The following CRACDL variants were observed in gnomAD, a reference collection of about 807,000 sequenced individuals.
CRACDL encodes CRACD-like protein.
Under a neutral mutation model 70.6 loss-of-function variants are expected in CRACDL, and 26 were observed. That is an observed-to-expected ratio of 0.37 (90% confidence interval 0.27 to 0.51). The LOEUF is 0.51. CRACDL is among the 20% of genes least tolerant of loss of function. The pLI, the probability that CRACDL is intolerant of heterozygous loss-of-function variation, is 0.94. For synonymous variants in CRACDL, 618 were observed against 615.2 expected (o/e 1.00, Z -0.07); for missense variants, 1,283 against 1,376.9 (o/e 0.93, Z 1.08).
At position 98,832,435 on chromosome 2, in the gene CRACDL, G is replaced by A. The variant is rs769262571; in HGVS notation, c.453C>T (p.Ala151=). Residue 151 remains alanine, a synonymous_variant, in exon 5 of 10, where the codon GCC becomes GCT. Transcript: ENST00000397899. ...GCCCGTCGTCCTCAGAGCTCATGCC[G>A]GCATCCTCTCCCCGCTTGGCAGGAA... The part of the protein sequence containing the change: ...GGLPAKRGED[A]GMSSEDDGLP... 8 of 1,614,074 alleles carry A rather than the reference G, an allele frequency of 5.0e-6. No individual in the cohort carries two copies. Among genetic ancestry groups the A allele is most frequent in the African/African-American group, 1.3e-5 (1 of 75,056 alleles).
chr2:98,808,264 A>G (rs1704403282), intron 7 of CRACDL, among the ~76,000 whole-genome samples: 2 of 152,210 alleles, frequency 1.3e-5, no homozygotes, highest in African/African-American at 4.8e-5. Context: ...CCGCTGTCCT[A>G]GAGCCCAGTA....
intron 1 of CRACDL, among the ~76,000 whole-genome samples, chr2:98,882,824 A>G (rs1235037658): frequency 6.6e-6 from 1 of 152,210 alleles, no homozygotes; most frequent in African/African-American, 2.4e-5. Context: ...TACTTTCAGG[A>G]CTTTCAGTGA....
At chr2:98,920,884 G>A (rs564903506) in intron 1 of CRACDL, among the ~76,000 whole-genome samples, 4 of 152,176 alleles carry the variant, frequency 2.6e-5, no homozygotes, top group African/African-American at 7.2e-5. Context: ...CAGCAAATGC[G>A]TGTTGACAAA....
intron 7 of CRACDL, among the ~76,000 whole-genome samples, chr2:98,817,222 A>G (rs900772436): frequency 1.2e-4 from 18 of 152,184 alleles, no homozygotes; most frequent in Non-Finnish European, 2.1e-4. Context: ...ATTGGGGGCT[A>G]TTCATCAATG....
chr2:98,902,870 A>G lies in CRACDL; in HGVS notation c.-11+33068T>C, dbSNP rs149077737. On this transcript the variant is annotated intron_variant, in intron 1 of 9. Coordinates refer to ENST00000397899, the MANE Select transcript of CRACDL (RefSeq NM_207362.3). ...AAGGTAGGCAAAGAAGCCCCAGAAA[A>G]CATGCCCCCACATTTACTACCTCTA... Among the ~76,000 whole-genome samples, 73 of 152,134 alleles carry G rather than the reference A, an allele frequency of 4.8e-4. 1 individual carries two copies. The East Asian group carries it at 0.014, about 28-fold the overall frequency.
At position 98,935,989 on chromosome 2, in the gene CRACDL, T is replaced by A. The variant is rs985301433; in HGVS notation, c.-62A>T. ...GGCGAGACGCGCAGAGAAGGGCACC[T>A]TCCGCGGGGTGCGGCGAGCCGGGGC... On this transcript the variant is annotated 5_prime_UTR_variant, in exon 1 of 10. The change creates a new upstream start codon in the 5' untranslated region. Coordinates refer to ENST00000397899, the MANE Select transcript of CRACDL (RefSeq NM_207362.3). 1 of 152,092 alleles carries A rather than the reference T, an allele frequency of 6.6e-6. No homozygotes were observed. The allele number at this position is 152,092 out of a possible 1,614,324, so 9.4% of individuals were successfully genotyped here.
intron 1 of CRACDL, chr2:98,908,250 C>A (rs1189062886): frequency 1.3e-5 from 2 of 152,258 alleles, no homozygotes; most frequent in East Asian, 3.8e-4. Flanking sequence ...AATGTGTGGC[C>A]TAGAGAGAGC....
rs1281745322 is a variant in CRACDL, at chr2:98,823,126, G to A, written c.1147C>T (p.Pro383Ser). The change falls in exon 7 of 10, where the codon CCG becomes TCG. Residue 383 changes from proline to serine, a missense_variant. Pro to Ser is a moderately conservative substitution (Grantham distance 74). Transcript: ENST00000397899. The surrounding 1 kb of genome is among the most constrained non-coding windows in gnomAD (Gnocchi z 4.0). Reference sequence around the variant, plus strand: ...ACCTCCTCCGCCTTGTCCGTGGCCGGGGCACACGGGCCTGCGGGGGGCGCC... The same window carrying A: ...ACCTCCTCCGCCTTGTCCGTGGCCGAGGCACACGGGCCTGCGGGGGGCGCC... ...GEAPPAGPCA[P>S]ATDKAEEVVC... The A allele has an allele frequency of 1.8e-5, 28 of 1,570,686 alleles. No homozygotes were observed. Among genetic ancestry groups the A allele is most frequent in the Non-Finnish European group, 2.2e-5 (26 of 1,161,970 alleles).
intron 1 of CRACDL, among the ~76,000 whole-genome samples, chr2:98,886,942 A>G (rs1247080078): frequency 6.6e-6 from 1 of 152,196 alleles, no homozygotes; most frequent in East Asian, 1.9e-4. Flanking sequence ...TCTTTTAAAT[A>G]TTTTCAAAGA....
At chr2:98,904,841 C>T (rs554329396) in intron 1 of CRACDL, among the ~76,000 whole-genome samples, 1 of 152,190 alleles carries the variant, frequency 6.6e-6, no homozygotes, top group African/African-American at 2.4e-5. Context: ...ATGCGACCCC[C>T]AATGTTGGAG....
intron 1 of CRACDL, among the ~76,000 whole-genome samples, chr2:98,913,514 G>A (rs1708593446): frequency 1.3e-5 from 2 of 152,128 alleles, no homozygotes; most frequent in African/African-American, 4.8e-5. Context: ...TCAGACACAA[G>A]AAGCACTGTG....
intron 2 of CRACDL, 134 bp downstream of exon 2, chr2:98,846,597 G>A (rs944033958): frequency 2.9e-6 from 2 of 680,322 alleles, no homozygotes; most frequent in Non-Finnish European, 5.2e-6. Flanking sequence ...AGGGCCTGGG[G>A]GTATCTGAGC....
intron 1 of CRACDL, among the ~76,000 whole-genome samples, chr2:98,917,827 T>A (rs1478781355): frequency 6.6e-6 from 1 of 152,204 alleles, no homozygotes; most frequent in Non-Finnish European, 1.5e-5. Flanking sequence ...ACGCTCTATG[T>A]CCATGTATAC....
chr2:98,882,988 G>A (rs1707698465), intron 1 of CRACDL, among the ~76,000 whole-genome samples: 1 of 152,158 alleles, frequency 6.6e-6, no homozygotes, highest in Non-Finnish European at 1.5e-5. Flanking sequence ...CTCAAGCTTT[G>A]GCCCATCCCC....
At chr2:98,824,643 T>G (rs1421210379) in intron 6 of CRACDL, among the ~76,000 whole-genome samples, 1 of 152,220 alleles carries the variant, frequency 6.6e-6, no homozygotes. Flanking sequence ...TCACCCAGGC[T>G]ATTGCTCTCT....
At chr2:98,838,860 G>T (rs977021220) in intron 2 of CRACDL, among the ~76,000 whole-genome samples, 2 of 152,268 alleles carry the variant, frequency 1.3e-5, no homozygotes, top group Middle Eastern at 6.8e-3. Flanking sequence ...GGTGTGGCCA[G>T]GCTGAGCCCA....
At position 98,873,364 on chromosome 2, in the gene CRACDL, A is replaced by G. The variant is rs551979455; in HGVS notation, c.-10-26554T>C. 4.4e-4 allele frequency among the ~76,000 whole-genome samples: 67 copies of G among 152,370 alleles called. No individual in the cohort carries two copies. The South Asian group carries it at 0.012, about 28-fold the overall frequency. ...GAGAGCAACCAAGCTGCCCAAGGCC[A>G]CAAGGCAAGTCAGCACGGGTGCCTA... On this transcript the variant is annotated intron_variant, in intron 1 of 9. Transcript: ENST00000397899.
At chr2:98,802,611 TGGTTAGTTCTTTTA>T (rs1704124416) in intron 7 of CRACDL, among the ~76,000 whole-genome samples, 2 of 152,338 alleles carry the variant, frequency 1.3e-5, no homozygotes, top group South Asian at 4.1e-4. Context: ...TGATAGGTGA[TGGTTAGTTCTTTTA>T]GTGCCTATTA....
intron 5 of CRACDL, among the ~76,000 whole-genome samples, chr2:98,832,099 T>C (rs1471390350): frequency 6.6e-6 from 1 of 152,024 alleles, no homozygotes; most frequent in Non-Finnish European, 1.5e-5. Flanking sequence ...TGATTCTGGG[T>C]TGATTCTATC....
Sources: allele counts gnomAD v4.1 joint callset (sites outside exome capture counted in the v4.1 genomes callset), GRCh38; gene constraint gnomAD v4.1.1; non-coding constraint Gnocchi (gnomAD v3.1); transcripts MANE v1.5; gene names NCBI Gene and HGNC (gene_info 2026-07-23, HGNC 2026-07-21).